MALRD1: variants seen among roughly 807,000 people sequenced by gnomAD.
The protein encoded by MALRD1 is MAM and LDL receptor class A domain containing 1, also known as MAM and LDL-receptor class A domain-containing protein 1.
A neutral mutation model predicts 242.1 loss-of-function variants in MALRD1; 247 were observed. The ratio of observed to expected loss-of-function variants is 1.02; its 90% confidence interval spans 0.92 to 1.13. MALRD1 has a LOEUF of 1.13. MALRD1 is among the 50% of genes most tolerant of loss of function. The probability of loss-of-function intolerance (pLI) is 0.00; values close to 1 mark genes in which losing one functional copy is unlikely to be tolerated. For synonymous variants in MALRD1, 995 were observed against 866.6 expected, an observed-to-expected ratio of 1.15 and a Z score of -2.60; for missense variants, 2,989 against 2,533.1, an observed-to-expected ratio of 1.18 and a Z score of -3.86.
intron 36 of MALRD1, among the ~76,000 whole-genome samples, chr10:19,647,129 G>A (rs1840695776): frequency 6.6e-6 from 1 of 152,212 alleles, no homozygotes; most frequent in Non-Finnish European, 1.5e-5. Context: ...AGAAATCTGA[G>A]GGTACAGCTT....
chr10:19,338,226 T>C (rs1843694837), intron 24 of MALRD1, among the ~76,000 whole-genome samples: 1 of 152,020 alleles, frequency 6.6e-6, no homozygotes, highest in Non-Finnish European at 1.5e-5. Flanking sequence ...TGGTGCTGTA[T>C]GTTCTGTGGG....
intron 36 of MALRD1, among the ~76,000 whole-genome samples, chr10:19,690,021 A>G (rs1842753138): frequency 1.3e-5 from 2 of 152,046 alleles, no homozygotes; most frequent in Admixed American, 6.6e-5. Context: ...CATGTATAGA[A>G]ATCATTTTGT....
At chr10:19,318,134 T>A (rs1022884112) in intron 21 of MALRD1, among the ~76,000 whole-genome samples, 4 of 152,048 alleles carry the variant, frequency 2.6e-5, no homozygotes, top group Non-Finnish European at 4.4e-5. Context: ...AGGAGCTGAT[T>A]TCCTCTGCAG....
intron 2 of MALRD1, among the ~76,000 whole-genome samples, chr10:19,075,470 A>G (rs1480184525): frequency 6.6e-6 from 1 of 152,006 alleles, no homozygotes; most frequent in Admixed American, 6.6e-5. Context: ...TGAGGACTTG[A>G]CCTCATTGCT....
chr10:19,715,025 C>G (rs1205586160), intron 38 of MALRD1, among the ~76,000 whole-genome samples: 1 of 152,152 alleles, frequency 6.6e-6, no homozygotes, highest in Non-Finnish European at 1.5e-5. Flanking sequence ...TTCTTTTGAA[C>G]TTTTATCACT....
At chr10:19,140,645 A>G (rs1833507866) in intron 10 of MALRD1, among the ~76,000 whole-genome samples, 2 of 152,062 alleles carry the variant, frequency 1.3e-5, no homozygotes, top group African/African-American at 4.8e-5. Flanking sequence ...ATTTGTGACA[A>G]TGATGAGCGT....
At chr10:19,371,925 G>A (rs997974828) in intron 26 of MALRD1, among the ~76,000 whole-genome samples, 1 of 152,080 alleles carries the variant, frequency 6.6e-6, no homozygotes, top group Non-Finnish European at 1.5e-5. Context: ...AAGGTAAAGG[G>A]AATTCCCACA....
chr10:19,137,607 G>GAA (rs34768480), intron 10 of MALRD1, among the ~76,000 whole-genome samples: 36 of 84,440 alleles, frequency 4.3e-4, no homozygotes, highest in Middle Eastern at 6.9e-3. Flanking sequence ...GACTCCGTCT[G>GAA]AAAAAAAAAA....
At chr10:19,454,405 G>GAGATATATATATATATATATATATAT (rs1554775338) in intron 29 of MALRD1, among the ~76,000 whole-genome samples, 1 of 80,558 alleles carries the variant, frequency 1.2e-5, no homozygotes, top group African/African-American at 5.5e-5. Flanking sequence ...TTATGCATAT[G>GAGATATATATATATATATATATATAT]ATATATATAT....
At chr10:19,296,713 T>C (rs1411713671) in intron 21 of MALRD1, among the ~76,000 whole-genome samples, 3 of 152,032 alleles carry the variant, frequency 2.0e-5, no homozygotes, top group African/African-American at 7.3e-5. Flanking sequence ...AATTGACATA[T>C]ATGAGTATTT....
In MALRD1 at chr10:19,421,854, G is replaced by A. The variant is rs562213356; in HGVS notation, c.4846-28453G>A. On this transcript the variant is annotated intron_variant, in intron 28 of 39. Transcript: ENST00000454679. ...CCTCTACTTGAAAGACATGTTGAGA[G>A]TTTGGCTTAGATGCAGAGATTTTGA... 3.7e-4 allele frequency among the ~76,000 whole-genome samples: 57 copies of A among 152,336 alleles called. 1 individual carries two copies. In the South Asian group the frequency reaches 0.011, roughly 30 times the overall value.
chr10:19,411,886 G>T (rs1169725789), intron 28 of MALRD1, among the ~76,000 whole-genome samples: 2 of 152,224 alleles, frequency 1.3e-5, no homozygotes, highest in Non-Finnish European at 1.5e-5. Context: ...CTGATTAAAT[G>T]TGTAAGCTGT....
intron 26 of MALRD1, among the ~76,000 whole-genome samples, chr10:19,381,648 T>C: frequency 6.8e-6 from 1 of 147,600 alleles, no homozygotes. Flanking sequence ...GCCTACATGG[T>C]GAAACTCTTT....
Position 19,692,511 on chromosome 10 carries a change from G to A in MALRD1, c.6271G>A (p.Val2091Ile). The A allele has an allele frequency of 6.5e-7, 1 of 1,535,890 alleles. No individual in the cohort carries two copies. ...AGCATTCCTGATGACTCACATCACAGTTGCAGTCTTGTGTTTTCTTGCAAA... is the reference window on the plus strand; with the variant it reads ...AGCATTCCTGATGACTCACATCACAATTGCAGTCTTGTGTTTTCTTGCAAA... ...GLAFLMTHIT[V>I]AVLCFLANRK... Residue 2091 changes from valine (V) to isoleucine (I), a missense_variant, in exon 38 of 40, where the codon GTT becomes ATT. By Grantham distance (29) the Val-to-Ile change is conservative (BLOSUM62 3). Transcript: ENST00000454679.
At chr10:19,662,198 A>C (rs114757733) in intron 36 of MALRD1, among the ~76,000 whole-genome samples, 1 of 152,172 alleles carries the variant, frequency 6.6e-6, no homozygotes, top group African/African-American at 2.4e-5. Flanking sequence ...GTACTGTTCA[A>C]TACTAACACT....
intron 5 of MALRD1, among the ~76,000 whole-genome samples, chr10:19,111,433 T>C (rs936844322): frequency 1.3e-5 from 2 of 152,188 alleles, no homozygotes; most frequent in African/African-American, 4.8e-5. Flanking sequence ...TCTGAGCCTT[T>C]CACGTGAATA....
At chr10:19,388,326 A>G (rs1846174707) in intron 27 of MALRD1, among the ~76,000 whole-genome samples, 2 of 152,226 alleles carry the variant, frequency 1.3e-5, no homozygotes, top group African/African-American at 4.8e-5. Context: ...TTTGGGAAGG[A>G]GAAAACACAA....
intron 26 of MALRD1, among the ~76,000 whole-genome samples, chr10:19,383,678 GTTA>G (rs1230972569): frequency 6.6e-6 from 1 of 152,012 alleles, no homozygotes; most frequent in Non-Finnish European, 1.5e-5. Context: ...GTAGACAAGT[GTTA>G]TTATTATTTC....
intron 12 of MALRD1, 126 bp downstream of exon 12, chr10:19,155,298 T>C (rs1004046220): frequency 3.4e-5 from 15 of 437,638 alleles, no homozygotes; most frequent in Non-Finnish European, 4.5e-5. Context: ...GAGATTTACA[T>C]GCGCTATTTC....
Sources: allele counts gnomAD v4.1 joint callset (sites outside exome capture counted in the v4.1 genomes callset), GRCh38; gene constraint gnomAD v4.1.1; transcripts MANE v1.5; gene names NCBI Gene and HGNC (gene_info 2026-07-23, HGNC 2026-07-21).